The following ZNF710 variants were observed in gnomAD, a reference collection of about 807,000 sequenced individuals.
The protein encoded by ZNF710 is zinc finger protein 710.
ZNF710 carries 13 observed loss-of-function variants against 50.6 expected under a neutral mutation model. The ratio of observed to expected loss-of-function variants is 0.26; its 90% confidence interval spans 0.17 to 0.41. The LOEUF (loss-of-function observed/expected upper bound fraction) is 0.41, where lower values mean the gene tolerates loss of function less well. ZNF710 is among the 10% of genes least tolerant of loss of function. The pLI is 1.00. For missense variants in ZNF710, 721 were observed against 936.6 expected (o/e 0.77, Z 3.01); for synonymous variants, 383 against 397.0 (o/e 0.96, Z 0.42).
rs1900030053 is a variant in ZNF710 at position 90,062,184 on chromosome 15, C to A, written c.-28-4926C>A. Among the ~76,000 whole-genome samples, 2 of 151,204 alleles carry A rather than the reference C, an allele frequency of 1.3e-5. No homozygotes were observed. Among genetic ancestry groups the A allele is most frequent in the Admixed American group, 1.3e-4 (2 of 15,170 alleles). The stretch of plus-strand genomic sequence containing the variant: ...CACTCAGGCTCCTCCTCTGCCCCCC[C>A]TTCCCTGTCTCTTCATTTCTTCTCT... On this transcript the variant is annotated intron_variant, in intron 1 of 4. Coordinates refer to ENST00000268154, the MANE Select transcript of ZNF710 (RefSeq NM_198526.4). The surrounding 1 kb of genome is among the most constrained non-coding windows in gnomAD (Gnocchi z 5.6).
At position 90,019,577 on chromosome 15, in the gene ZNF710, T is replaced by C. The variant is rs558881991; in HGVS notation, c.-29+17963T>C. 6.3e-4 allele frequency among the ~76,000 whole-genome samples: 96 copies of C among 152,354 alleles called. 1 individual carries two copies. The Middle Eastern group carries it at 0.01, about 16-fold the overall frequency. On this transcript the variant is annotated intron_variant, in intron 1 of 4. Transcript: ENST00000268154. ...ATTCTTTTAAACATGGTTGTGAGTC[T>C]TTCAGACCTCTGTTTCCTAATGTTT...
chr15:90,019,187 C>CTTTCTT (rs1898539369), intron 1 of ZNF710, among the ~76,000 whole-genome samples: 2 of 89,388 alleles, frequency 2.2e-5, no homozygotes, highest in Non-Finnish European at 4.1e-5. Flanking sequence ...CTTTTTCTTT[C>CTTTCTT]TTTTTTTTTT....
At chr15:90,009,583 A>G (rs1274287488) in intron 1 of ZNF710, among the ~76,000 whole-genome samples, 7 of 151,808 alleles carry the variant, frequency 4.6e-5, no homozygotes, top group Admixed American at 4.6e-4. Flanking sequence ...TGTGCCCACC[A>G]TCAGCCCCAC....
chr15:90,066,965 T>C, intron 1 of ZNF710, 145 bp from the exon 2 acceptor site: 1 of 815,150 alleles, frequency 1.2e-6, no homozygotes, highest in Non-Finnish European at 1.9e-6. Flanking sequence ...TAATAACAAG[T>C]GTGCCCTGTT....
intron 1 of ZNF710, chr15:90,002,546 C>T (rs1898041250): frequency 6.6e-6 from 1 of 152,326 alleles, no homozygotes; most frequent in Non-Finnish European, 1.5e-5. Context: ...GGCCCTCAGG[C>T]TACCAGGTGG....
intron 1 of ZNF710, among the ~76,000 whole-genome samples, chr15:90,032,297 C>T (rs1227977584): frequency 6.6e-6 from 1 of 152,196 alleles, no homozygotes; most frequent in African/African-American, 2.4e-5. Context: ...TGTGTCCAGC[C>T]ACTGTGAATT....
chr15:89,998,897 GAAGTT>G (rs1391712425), upstream of ZNF710, among the ~76,000 whole-genome samples: 6 of 152,188 alleles, frequency 3.9e-5, no homozygotes, highest in African/African-American at 1.4e-4. Context: ...GTTATTCACT[GAAGTT>G]ATGTTATTCA....
intron 1 of ZNF710, among the ~76,000 whole-genome samples, chr15:90,028,158 C>T (rs1031982883): frequency 6.6e-6 from 1 of 152,102 alleles, no homozygotes; most frequent in Admixed American, 6.5e-5. Flanking sequence ...AAGTATATAA[C>T]AGTAAATACC....
upstream of ZNF710, among the ~76,000 whole-genome samples, chr15:89,999,702 T>A (rs1469293116): frequency 2.7e-5 from 4 of 150,444 alleles, no homozygotes. Flanking sequence ...CTCTCGTTTC[T>A]AAAGGCCCAG....
Position 90,065,638 on chromosome 15 carries a change from C to A in ZNF710, c.-28-1472C>A, listed in dbSNP as rs528138114. Among the ~76,000 whole-genome samples the A allele has an allele frequency of 3.3e-5, 5 of 152,316 alleles. No homozygotes were observed. In the South Asian group the frequency reaches 1.0e-3, roughly 32 times the overall value. On this transcript the variant is annotated intron_variant, in intron 1 of 4. Coordinates refer to ENST00000268154, the MANE Select transcript of ZNF710 (RefSeq NM_198526.4). The stretch of plus-strand genomic sequence containing the variant: ...GGGTGAAAAGACCGGGCTCCACAGA[C>A]GGCTCACGGAGCAGGTGCCTCCATA...
At position 90,034,207 on chromosome 15, in the gene ZNF710, G is replaced by GAAA. The variant is rs532774757; in HGVS notation, c.-29+32595_-29+32597dup. 6.8e-6 allele frequency among the ~76,000 whole-genome samples: 1 copy of GAAA among 147,292 alleles called. No individual in the cohort carries two copies. The highest frequency in any genetic ancestry group is 6.8e-5 in the Admixed American group (1 of 14,734). ...AGTGAGACTCTGTCTCAAAAAAAAAGAAAAGAAAAGAAAAGAAAAGAAAAC... is the reference window on the plus strand; with the variant it reads ...AGTGAGACTCTGTCTCAAAAAAAAAGAAAAAAAGAAAAGAAAAGAAAAGAAAAC... On this transcript the variant is annotated intron_variant, in intron 1 of 4. Coordinates refer to ENST00000268154, the MANE Select transcript of ZNF710 (RefSeq NM_198526.4). This position sits in a 1 kb window ranked among gnomAD's most constrained non-coding sequence, Gnocchi z 4.0.
At chr15:90,041,701 A>G (rs188471672) in intron 1 of ZNF710, among the ~76,000 whole-genome samples, 3 of 152,104 alleles carry the variant, frequency 2.0e-5, no homozygotes, top group African/African-American at 7.2e-5. Context: ...TCACAACACC[A>G]TAAGTTCTTA....
Position 90,067,355 on chromosome 15 carries a change from G to C in ZNF710, c.218G>C (p.Gly73Ala), listed in dbSNP as rs149778040. Residue 73 changes from glycine (G) to alanine (A), a missense_variant, in exon 2 of 5, where the codon GGG becomes GCG. Physicochemically the swap from Gly to Ala is moderately conservative, Grantham distance 60. Around this residue, in one of 3 missense-constraint regions of ZNF710, gnomAD observed 326 missense variants for 347.1 expected, o/e 0.94. Coordinates refer to ENST00000268154, the MANE Select transcript of ZNF710 (RefSeq NM_198526.4). The surrounding 1 kb of genome is among the most constrained non-coding windows in gnomAD (Gnocchi z 8.1). ...GACGTCTACCAGCTGGCCTGCAACG[G>C]GAGGGCCTTGGAGGAGCCGGCGGAG... Reference protein sequence around the residue: ...GPDVYQLACNGRALEEPAEEE... With the variant: ...GPDVYQLACNARALEEPAEEE... 4.1e-5 allele frequency: 66 copies of C among 1,597,856 alleles called. No homozygotes were observed. The African/African-American group carries it at 8.3e-4, about 20-fold the overall frequency.
intron 1 of ZNF710, among the ~76,000 whole-genome samples, chr15:90,056,559 G>A (rs1899825979): frequency 6.6e-6 from 1 of 152,180 alleles, no homozygotes. Context: ...AAGACCCACA[G>A]CCAAAGTGGC....
At chr15:90,028,686 T>C (rs1351437017) in intron 1 of ZNF710, among the ~76,000 whole-genome samples, 1 of 152,212 alleles carries the variant, frequency 6.6e-6, no homozygotes, top group Non-Finnish European at 1.5e-5. Context: ...CGTGAATGCA[T>C]GGAGGTGATT....
chr15:90,026,316 A>T (rs1898779998), intron 1 of ZNF710, among the ~76,000 whole-genome samples: 1 of 151,670 alleles, frequency 6.6e-6, no homozygotes, highest in Non-Finnish European at 1.5e-5. Flanking sequence ...ATAGATACAG[A>T]GGAGATTTTA....
At chr15:90,077,627 CA>C (rs748569028) in intron 4 of ZNF710, among the ~76,000 whole-genome samples, 50 of 152,076 alleles carry the variant, frequency 3.3e-4, no homozygotes, top group Non-Finnish European at 5.9e-4. Flanking sequence ...AGAAACAGCC[CA>C]AATCTATAAG....
chr15:90,016,450 T>G (rs1396500024), intron 1 of ZNF710, among the ~76,000 whole-genome samples: 1 of 152,158 alleles, frequency 6.6e-6, no homozygotes, highest in Non-Finnish European at 1.5e-5. Context: ...TTATATTTAT[T>G]TTATTTTTTT....
chr15:90,069,200 C>A (rs2151530568), intron 2 of ZNF710, among the ~76,000 whole-genome samples: 1 of 149,410 alleles, frequency 6.7e-6, no homozygotes, highest in Admixed American at 6.7e-5. Flanking sequence ...TGCACTCCAG[C>A]CTGGGCAACA....
Sources: gnomAD v4.1 joint callset for allele counts (sites outside exome capture counted in the v4.1 genomes callset) on GRCh38, gnomAD v4.1.1 for gene constraint, gnomAD v4.1.1 regional missense constraint, Gnocchi (gnomAD v3.1) non-coding constraint, MANE v1.5 for transcripts, NCBI Gene and HGNC (gene_info 2026-07-23, HGNC 2026-07-21) for gene names.